TMEM44: variants seen among roughly 807,000 people sequenced by gnomAD.
TMEM44 encodes the protein transmembrane protein 44.
In TMEM44, 43 loss-of-function variants were observed where a neutral mutation model predicts 47.8. That is an observed-to-expected ratio of 0.90 (90% CI 0.70 to 1.16). The LOEUF (loss-of-function observed/expected upper bound fraction) is 1.16. Ranked by LOEUF, TMEM44 falls within the 50% of genes most tolerant of loss-of-function variation. The pLI is 0.00. For missense variants in TMEM44, 568 were observed against 555.2 expected, an observed-to-expected ratio of 1.02 and a Z score of -0.23; for synonymous variants, 277 against 238.8, an observed-to-expected ratio of 1.16 and a Z score of -1.48.
At chr3:194,625,431 G>GT (rs1491326889) in intron 3 of TMEM44, among the ~76,000 whole-genome samples, 80 of 21,086 alleles carry the variant, frequency 3.8e-3, no homozygotes, top group Middle Eastern at 0.019. Flanking sequence ...CTTCTTTTTT[G>GT]GGGGGGGGGG....
intron 9 of TMEM44, chr3:194,590,108 C>T (rs545996509): frequency 1.1e-4 from 16 of 152,328 alleles, no homozygotes; most frequent in East Asian, 1.9e-4. Flanking sequence ...GAAGCTGAAT[C>T]GAACATTCCA....
chr3:194,620,045 C>G (rs563429712), intron 5 of TMEM44, among the ~76,000 whole-genome samples: 1 of 152,120 alleles, frequency 6.6e-6, no homozygotes, highest in African/African-American at 2.4e-5. Flanking sequence ...AATCCCAGCA[C>G]TTTGGAAGGC....
At position 194,626,920 on chromosome 3, in the gene TMEM44, C is replaced by T. The variant is rs904185646; in HGVS notation, c.265-930G>A. On this transcript the variant is annotated intron_variant, in intron 2 of 9. Coordinates refer to ENST00000347147, the MANE Select transcript of TMEM44 (RefSeq NM_001011655.3). ...TATTATTATTGGACTTGAGCTGGGA[C>T]CTACTGTATTTTTTTTTTTTTGAGA... is the stretch of plus-strand genomic sequence containing the variant. Among the ~76,000 whole-genome samples the T allele has an allele frequency of 1.1e-4, 12 of 113,990 alleles. No individual in the cohort carries two copies. In the East Asian group the frequency reaches 3.7e-3, roughly 35 times the overall value. 74.8% of individuals were successfully genotyped at this position (113,990 alleles called of 152,430 possible). A position where few individuals can be genotyped will look rare whatever the true frequency, so the allele number is the denominator to read the frequency against.
chr3:194,617,400 G>C, intron 5 of TMEM44, 131 bp from the exon 6 acceptor site: 2 of 1,084,192 alleles, frequency 1.8e-6, no homozygotes, highest in East Asian at 5.5e-5. Context: ...GCTTCTGTTA[G>C]ACTTACAGCT....
At chr3:194,628,659 T>G (rs1717439551) in intron 1 of TMEM44, 150 bp from the exon 2 acceptor site, 1 of 958,604 alleles carries the variant, frequency 1.0e-6, no homozygotes, top group Admixed American at 3.3e-5. Context: ...AGTTTACAGA[T>G]GGGAACCAAT....
chr3:194,604,379 C>T lies in TMEM44; in HGVS notation c.1084G>A (p.Asp362Asn). 1 of 1,554,900 alleles carries T rather than the reference C, an allele frequency of 6.4e-7. No individual in the cohort carries two copies. Among genetic ancestry groups the T allele is most frequent in the Non-Finnish European group, 8.7e-7 (1 of 1,148,918 alleles). Residue 362 changes from aspartate (D) to asparagine (N), a missense_variant, in exon 9 of 10, where the codon GAC (aspartate) becomes AAC (asparagine). Asp to Asn is a conservative substitution (Grantham distance 23, BLOSUM62 1). Coordinates refer to ENST00000347147, the MANE Select transcript of TMEM44 (RefSeq NM_001011655.3). ...TGAACGGGAGGGTACGACGGGGGGT[C>T]CTGCAGGGACGCATCTCCGGCGCTC... ...QTSAGDASLQ[D>N]PPSYPPVQVI... is the part of the protein sequence containing the mutation.
rs1351526434 is a variant in TMEM44, at chr3:194,625,432, G to GC, written c.358+464_358+465insG. ...AATGAGACACTCTCCTTCTTTTTTG[G>GC]GGGGGGGGGGTTGTTTTTGTTTTTT... On this transcript the variant is annotated intron_variant, in intron 3 of 9. Coordinates refer to ENST00000347147, the MANE Select transcript of TMEM44 (RefSeq NM_001011655.3). Among the ~76,000 whole-genome samples, 32 of 95,362 alleles carry GC rather than the reference G, an allele frequency of 3.4e-4. No homozygotes were observed. In the South Asian group the frequency reaches 9.0e-3, roughly 27 times the overall value. 62.6% of individuals were successfully genotyped at this position (95,362 alleles called of 152,430 possible).
chr3:194,617,096 T>C lies in TMEM44; in HGVS notation c.783+3A>G. On this transcript the variant is annotated splice_donor_region_variant and intron_variant, in intron 6 of 9. Transcript: ENST00000347147. ...GGGAGCTCCCCAGGCCTGGGGTGGATACAGCGAGGTCCAGTGCCGCACGGC... is the reference window on the plus strand; with the variant it reads ...GGGAGCTCCCCAGGCCTGGGGTGGACACAGCGAGGTCCAGTGCCGCACGGC... 1 of 1,515,142 alleles carries C rather than the reference T, an allele frequency of 6.6e-7. No individual in the cohort carries two copies. The highest frequency in any genetic ancestry group is 8.9e-7 in the Non-Finnish European group (1 of 1,128,688). 93.9% of individuals were successfully genotyped at this position (1,515,142 alleles called of 1,614,324 possible). A position where few individuals can be genotyped will look rare whatever the true frequency, so the allele number is the denominator to read the frequency against.
chr3:194,591,576 G>C (rs962494366), intron 9 of TMEM44, among the ~76,000 whole-genome samples: 12 of 152,084 alleles, frequency 7.9e-5, no homozygotes, highest in African/African-American at 2.9e-4. Context: ...TATTTTTTCT[G>C]ACTCTCCAGA....
At position 194,617,096 on chromosome 3, in the gene TMEM44, T is replaced by A; in HGVS notation, c.783+3A>T. On this transcript the variant is annotated splice_donor_region_variant and intron_variant, in intron 6 of 9. Transcript: ENST00000347147. ...GGGAGCTCCCCAGGCCTGGGGTGGA[T>A]ACAGCGAGGTCCAGTGCCGCACGGC... The A allele has an allele frequency of 1.3e-6, 2 of 1,515,142 alleles. No homozygotes were observed. Among genetic ancestry groups the A allele is most frequent in the South Asian group, 2.5e-5 (2 of 78,578 alleles). 93.9% of individuals were successfully genotyped at this position (1,515,142 alleles called of 1,614,324 possible). A position where few individuals can be genotyped will look rare whatever the true frequency, so the allele number is the denominator to read the frequency against.
In TMEM44 at chr3:194,622,990, G is replaced by A. The variant is rs541244357; in HGVS notation, c.612+234C>T. 25 of 447,890 alleles carry A rather than the reference G, an allele frequency of 5.6e-5. No individual in the cohort carries two copies. In the East Asian group the frequency reaches 7.1e-4, roughly 13 times the overall value. The allele number at this position is 447,890 out of a possible 1,614,324, so 27.7% of individuals were successfully genotyped here. On this transcript the variant is annotated intron_variant, in intron 5 of 9. Transcript: ENST00000347147. Reference sequence around the variant, plus strand: ...CTATAGGAAATGGGGAAGAACACACGGGCTTTCCCCGAGAGGCTCCCGCCG... The same window carrying A: ...CTATAGGAAATGGGGAAGAACACACAGGCTTTCCCCGAGAGGCTCCCGCCG...
chr3:194,619,462 G>A (rs1212292992), intron 5 of TMEM44, among the ~76,000 whole-genome samples: 1 of 152,204 alleles, frequency 6.6e-6, no homozygotes, highest in East Asian at 1.9e-4. Flanking sequence ...GTAAGGGGCT[G>A]GAGGCAGGAC....
At chr3:194,590,890 G>A (rs773505844) in intron 9 of TMEM44, among the ~76,000 whole-genome samples, 5 of 152,150 alleles carry the variant, frequency 3.3e-5, no homozygotes, top group Non-Finnish European at 5.9e-5. Context: ...CTTTGATCAG[G>A]TGAGCTCTTT....
In TMEM44 at chr3:194,594,161, A is replaced by G. The variant is rs937421404; in HGVS notation, c.1177-5522T>C. 8.2e-4 allele frequency among the ~76,000 whole-genome samples: 79 copies of G among 96,410 alleles called. No individual in the cohort carries two copies. The East Asian group carries it at 0.011, about 13-fold the overall frequency. 63.2% of individuals were successfully genotyped at this position (96,410 alleles called of 152,430 possible). A position where few individuals can be genotyped will look rare whatever the true frequency, so the allele number is the denominator to read the frequency against. ...TATCTATCTATCTATCTATCTATCT[A>G]TCTATATCTATCTATCTGTGTATGA... is the stretch of plus-strand genomic sequence containing the variant. On this transcript the variant is annotated intron_variant, in intron 9 of 9. Transcript: ENST00000347147.
intron 9 of TMEM44, among the ~76,000 whole-genome samples, chr3:194,603,372 C>T (rs1288105643): frequency 6.6e-6 from 1 of 152,172 alleles, no homozygotes; most frequent in Non-Finnish European, 1.5e-5. Context: ...AGAAAAGCTC[C>T]CATGGGCAAA....
At chr3:194,596,138 C>G (rs549869332) in intron 9 of TMEM44, among the ~76,000 whole-genome samples, 8 of 152,090 alleles carry the variant, frequency 5.3e-5, no homozygotes, top group African/African-American at 1.2e-4. Flanking sequence ...GGCTTAGGAG[C>G]CTGGGCTTAA....
rs867634287 is a variant in TMEM44, at chr3:194,604,412, C to T, written c.1051G>A (p.Gly351Arg). 6.5e-6 allele frequency: 10 copies of T among 1,530,148 alleles called. No individual in the cohort carries two copies. The highest frequency in any genetic ancestry group is 2.5e-5 in the East Asian group (1 of 40,376). 94.8% of individuals were successfully genotyped at this position (1,530,148 alleles called of 1,614,324 possible). A position where few individuals can be genotyped will look rare whatever the true frequency, so the allele number is the denominator to read the frequency against. The change falls in exon 9 of 10, where the codon GGG (glycine) becomes AGG (arginine). Residue 351 changes from glycine to arginine, a missense_variant. Gly to Arg is a moderately radical substitution (Grantham distance 125). Transcript: ENST00000347147. ...GACGCATCTCCGGCGCTCGTCTGCCCGTCACCTGGCAGCCTGGTGGCACTG... is the reference window on the plus strand; with the variant it reads ...GACGCATCTCCGGCGCTCGTCTGCCTGTCACCTGGCAGCCTGGTGGCACTG... ...GCSATRLPGD[G>R]QTSAGDASLQ...
intron 5 of TMEM44, among the ~76,000 whole-genome samples, chr3:194,618,803 G>A (rs751717782): frequency 2.8e-4 from 42 of 152,288 alleles, no homozygotes; most frequent in Admixed American, 2.0e-3. Flanking sequence ...CCTTAAGAGT[G>A]TCACATTTCC....
In TMEM44 at chr3:194,594,117, TTCTATCTATCTA is replaced by T. The variant is rs370424904; in HGVS notation, c.1177-5490_1177-5479del. On this transcript the variant is annotated intron_variant, in intron 9 of 9. Coordinates refer to ENST00000347147, the MANE Select transcript of TMEM44 (RefSeq NM_001011655.3). ...ATGAGCCACAGCACCTGGCCTAATT[TTCTATCTATCTA>T]TCTATCTATCTATCTATCTATCTAT... Among the ~76,000 whole-genome samples the T allele has an allele frequency of 6.5e-3, 558 of 85,546 alleles. 5 individuals carry two copies. The highest frequency in any genetic ancestry group is 0.011 in the Middle Eastern group (2 of 178). 56.1% of individuals were successfully genotyped at this position (85,546 alleles called of 152,430 possible).
Sources: allele counts gnomAD v4.1 joint callset (sites outside exome capture counted in the v4.1 genomes callset), GRCh38; gene constraint gnomAD v4.1.1; transcripts MANE v1.5; gene names NCBI Gene and HGNC (gene_info 2026-07-23, HGNC 2026-07-21).